Variants in NLGN1 observed in about 807,000 individuals in gnomAD.
NLGN1 encodes the protein neuroligin 1, also known as neuroligin-1.
In NLGN1, 12 loss-of-function variants were observed where a neutral mutation model predicts 65.5. The observed-to-expected ratio is 0.18, with a 90% CI of 0.12 to 0.30. The LOEUF (loss-of-function observed/expected upper bound fraction) is 0.30. NLGN1 is among the 10% of genes least tolerant of loss of function. NLGN1 has a pLI of 1.00. For missense variants in NLGN1, 750 were observed against 1,007.1 expected, an observed-to-expected ratio of 0.74 and a Z score of 3.46; for synonymous variants, 350 against 359.5, an observed-to-expected ratio of 0.97 and a Z score of 0.30.
intron 3 of NLGN1, among the ~76,000 whole-genome samples, chr3:173,613,780 A>G (rs986041233): frequency 2.6e-5 from 4 of 152,142 alleles, no homozygotes; most frequent in Admixed American, 2.0e-4. Context: ...AGCATAGCTC[A>G]TAATTTTCAT....
chr3:173,750,729 A>G (rs892151386), intron 3 of NLGN1, among the ~76,000 whole-genome samples: 1 of 152,110 alleles, frequency 6.6e-6, no homozygotes, highest in African/African-American at 2.4e-5. Flanking sequence ...AGATAAATCA[A>G]CTTCTCTGTC....
chr3:173,947,659 T>C (rs1024832895), intron 4 of NLGN1, among the ~76,000 whole-genome samples: 3 of 152,188 alleles, frequency 2.0e-5, no homozygotes, highest in African/African-American at 4.8e-5. Flanking sequence ...AAATATACAA[T>C]ACAGGCATGA....
intron 4 of NLGN1, among the ~76,000 whole-genome samples, chr3:174,107,675 A>G (rs1464922654): frequency 6.6e-6 from 1 of 152,154 alleles, no homozygotes; most frequent in Non-Finnish European, 1.5e-5. Flanking sequence ...GCTGGGTTAT[A>G]CAATAGTTGC....
At chr3:173,474,130 C>T (rs1269558273) in intron 2 of NLGN1, among the ~76,000 whole-genome samples, 1 of 151,958 alleles carries the variant, frequency 6.6e-6, no homozygotes, top group African/African-American at 2.4e-5. Flanking sequence ...TCAGCCTCCC[C>T]CTCCTCCTTT....
chr3:174,279,256 G>A lies in NLGN1; in HGVS notation c.1255G>A (p.Val419Ile), dbSNP rs780153451. The change falls in exon 6 of 7, where the codon GTT (valine) becomes ATT (isoleucine). Residue 419 changes from valine (V) to isoleucine (I), a missense_variant. Physicochemically the swap from Val to Ile is conservative, Grantham distance 29. Coordinates refer to ENST00000457714, the Ensembl canonical transcript of NLGN1. The surrounding 1 kb of genome is among the most constrained non-coding windows in gnomAD (Gnocchi z 4.7). ...TTTTGACTTTGCTGTTTCAAATTTTGTTGATAATTTATATGGATATCCTGA... is the reference window on the plus strand; with the variant it reads ...TTTTGACTTTGCTGTTTCAAATTTTATTGATAATTTATATGGATATCCTGA... 7 of 1,613,326 alleles carry A rather than the reference G, an allele frequency of 4.3e-6. No homozygotes were observed. In the South Asian group the frequency reaches 6.6e-5, roughly 15 times the overall value.
intron 4 of NLGN1, among the ~76,000 whole-genome samples, chr3:173,924,240 G>C (rs531095674): frequency 1.1e-3 from 166 of 152,008 alleles, no homozygotes; most frequent in Non-Finnish European, 6.9e-4. Flanking sequence ...GCCATCACAG[G>C]AATTTTTTTA....
chr3:173,784,056 A>G (rs1781585676), intron 3 of NLGN1, among the ~76,000 whole-genome samples: 1 of 152,212 alleles, frequency 6.6e-6, no homozygotes, highest in Admixed American at 6.5e-5. Flanking sequence ...ACTAATAAAT[A>G]TGCACTGATA....
chr3:174,059,068 T>A (rs987335013), intron 4 of NLGN1, among the ~76,000 whole-genome samples: 1 of 152,140 alleles, frequency 6.6e-6, no homozygotes, highest in African/African-American at 2.4e-5. Flanking sequence ...TGTTTAATAC[T>A]TTTCTGAGCT....
In NLGN1 at chr3:174,094,746, T is replaced by TAAA. The variant is rs5854552; in HGVS notation, c.647-180548_647-180546dup. ...CCTGCTCATTGTTCCTTGGCTCCGC[T>TAAA]AAAAAAAAAAAAAAAAAAAAAAAGT... On this transcript the variant is annotated intron_variant, in intron 4 of 6. Coordinates refer to ENST00000457714, the Ensembl canonical transcript of NLGN1. Among the ~76,000 whole-genome samples, 366 of 88,866 alleles carry TAAA rather than the reference T, an allele frequency of 4.1e-3. 12 individuals are homozygous for TAAA. Among genetic ancestry groups the TAAA allele is most frequent in the African/African-American group, 0.013 (296 of 22,698 alleles). 58.3% of individuals were successfully genotyped at this position (88,866 alleles called of 152,430 possible).
intron 3 of NLGN1, among the ~76,000 whole-genome samples, chr3:173,700,847 C>T (rs919102791): frequency 5.3e-5 from 8 of 152,210 alleles, no homozygotes; most frequent in Non-Finnish European, 7.4e-5. Flanking sequence ...CCAGAAAGGC[C>T]GGGCACGGTG....
chr3:174,215,933 A>C (rs569542344), intron 4 of NLGN1, among the ~76,000 whole-genome samples: 1 of 151,986 alleles, frequency 6.6e-6, no homozygotes, highest in African/African-American at 2.4e-5. Flanking sequence ...TCCTCTCCCC[A>C]CAGAGCCAAA....
intron 2 of NLGN1, among the ~76,000 whole-genome samples, chr3:173,443,805 A>G (rs1478117800): frequency 6.6e-6 from 1 of 152,168 alleles, no homozygotes; most frequent in Non-Finnish European, 1.5e-5. Context: ...GTAATGCTGT[A>G]AAGAACTTGA....
intron 3 of NLGN1, among the ~76,000 whole-genome samples, chr3:173,750,910 T>G (rs974255805): frequency 1.3e-5 from 2 of 152,074 alleles, no homozygotes; most frequent in African/African-American, 4.8e-5. Context: ...TCAGCACAAC[T>G]TAACTGCTGG....
rs148326258 is a variant in NLGN1, at chr3:173,423,822, C to G, written c.-389-11188C>G. 6.9e-3 allele frequency among the ~76,000 whole-genome samples: 1,054 copies of G among 152,264 alleles called. 15 individuals carry two copies. The highest frequency in any genetic ancestry group is 0.024 in the African/African-American group (985 of 41,538). On this transcript the variant is annotated intron_variant, in intron 1 of 6. Coordinates refer to ENST00000457714, the Ensembl canonical transcript of NLGN1. The stretch of plus-strand genomic sequence containing the variant: ...TTCTGGGGTCTAGAGGGTGGTGGCC[C>G]TCTTCTCACAGCTCCACTAGGCAGT...
intron 4 of NLGN1, among the ~76,000 whole-genome samples, chr3:174,209,720 C>T (rs1736099122): frequency 6.9e-6 from 1 of 144,120 alleles, no homozygotes. Flanking sequence ...GCAACCTCCA[C>T]CTCCTGGGTT....
intron 3 of NLGN1, among the ~76,000 whole-genome samples, chr3:173,632,075 G>A (rs989998335): frequency 2.6e-5 from 4 of 152,060 alleles, no homozygotes; most frequent in African/African-American, 7.2e-5. Context: ...CAATCTTCGT[G>A]AGTTGCTGAC....
At chr3:173,637,629 A>G (rs1756797812) in intron 3 of NLGN1, among the ~76,000 whole-genome samples, 1 of 152,110 alleles carries the variant, frequency 6.6e-6, no homozygotes, top group African/African-American at 2.4e-5. Context: ...TAGGATATTG[A>G]GATACTATGA....
chr3:174,292,796 A>G, the NLGN1 span, among the ~76,000 whole-genome samples: 1 of 151,460 alleles, frequency 6.6e-6, no homozygotes, highest in Non-Finnish European at 1.5e-5. Context: ...AGAAATAATG[A>G]GTTATCATGT....
chr3:173,731,923 C>A (rs1247848603), intron 3 of NLGN1, among the ~76,000 whole-genome samples: 9 of 151,864 alleles, frequency 5.9e-5, no homozygotes, highest in South Asian at 2.1e-4. Context: ...AAGATAAACT[C>A]ACTGAGGAAT....
Sources: gnomAD v4.1 joint callset for allele counts (sites outside exome capture counted in the v4.1 genomes callset) on GRCh38, gnomAD v4.1.1 for gene constraint, Gnocchi (gnomAD v3.1) non-coding constraint, MANE v1.5 for transcripts, NCBI Gene and HGNC (gene_info 2026-07-23, HGNC 2026-07-21) for gene names.